EVI5: variants seen among roughly 807,000 people sequenced by gnomAD.
EVI5 encodes ecotropic viral integration site 5.
Under a neutral mutation model 112.0 loss-of-function variants are expected in EVI5, and 73 were observed. The ratio of observed to expected loss-of-function variants is 0.65; its 90% CI spans 0.54 to 0.79. The LOEUF (loss-of-function observed/expected upper bound fraction) is 0.79. Ranked by LOEUF, EVI5 falls within the 30% of genes least tolerant of loss-of-function variation. EVI5 has a pLI of 0.00. For synonymous variants in EVI5, 305 were observed against 319.9 expected, an observed-to-expected ratio of 0.95 and a Z score of 0.50; for missense variants, 900 against 968.8, an observed-to-expected ratio of 0.93 and a Z score of 0.94.
At chr1:92,767,524 G>A (rs1167698329) in intron 1 of EVI5, among the ~76,000 whole-genome samples, 1 of 152,030 alleles carries the variant, frequency 6.6e-6, no homozygotes, top group African/African-American at 2.4e-5. Flanking sequence ...ATTATGAGGT[G>A]GAAAAAATGT....
At chr1:92,587,214 T>C (rs1287803819) in intron 18 of EVI5, among the ~76,000 whole-genome samples, 1 of 152,146 alleles carries the variant, frequency 6.6e-6, no homozygotes, top group Non-Finnish European at 1.5e-5. Context: ...GGTAAAGCAG[T>C]CTATGTACGT....
At chr1:92,746,896 A>G (rs1289782877) in intron 1 of EVI5, among the ~76,000 whole-genome samples, 1 of 1,764 alleles carries the variant, frequency 5.7e-4, no homozygotes, top group African/African-American at 1.4e-3. Flanking sequence ...CTCTGGTTCA[A>G]AAAAAAAAAA....
chr1:92,650,838 C>A (rs900043567), intron 13 of EVI5, among the ~76,000 whole-genome samples: 3 of 152,070 alleles, frequency 2.0e-5, no homozygotes, highest in African/African-American at 7.2e-5. Context: ...TCCTTGAAAA[C>A]CACAAATTTA....
At chr1:92,613,278 AATTT>A (rs771766976) in intron 16 of EVI5, among the ~76,000 whole-genome samples, 77 of 152,050 alleles carry the variant, frequency 5.1e-4, no homozygotes, top group Non-Finnish European at 9.1e-4. Context: ...CCTAAGACTG[AATTT>A]ATTTATTTAT....
intron 19 of EVI5, among the ~76,000 whole-genome samples, chr1:92,553,297 A>ATTTTTTT (rs147973775): frequency 9.4e-5 from 7 of 74,214 alleles, no homozygotes; most frequent in Admixed American, 2.1e-4. Context: ...CACCTGGCCA[A>ATTTTTTT]TTTTTTTTTT....
chr1:92,719,976 A>G (rs1674457080), intron 2 of EVI5, among the ~76,000 whole-genome samples: 1 of 152,094 alleles, frequency 6.6e-6, no homozygotes, highest in African/African-American at 2.4e-5. Context: ...AAGGGATGTG[A>G]AGGACCTCTT....
chr1:92,609,506 C>T (rs1196685385), intron 16 of EVI5, among the ~76,000 whole-genome samples: 1 of 151,964 alleles, frequency 6.6e-6, no homozygotes, highest in Non-Finnish European at 1.5e-5. Context: ...TACAGGCACC[C>T]ACCACCATGC....
At chr1:92,755,608 C>A (rs1017512289) in intron 1 of EVI5, among the ~76,000 whole-genome samples, 1 of 152,080 alleles carries the variant, frequency 6.6e-6, no homozygotes, top group Non-Finnish European at 1.5e-5. Flanking sequence ...TAAGCAAGGA[C>A]CTACGTACTG....
intron 1 of EVI5, among the ~76,000 whole-genome samples, chr1:92,754,845 T>C (rs1680683345): frequency 6.6e-6 from 1 of 152,176 alleles, no homozygotes; most frequent in Non-Finnish European, 1.5e-5. Context: ...TATAAGGAAG[T>C]GGAGACCACT....
intron 1 of EVI5, 41 bp downstream of exon 1, chr1:92,784,795 C>T: frequency 2.0e-6 from 2 of 984,050 alleles, no homozygotes; most frequent in Non-Finnish European, 2.4e-6. Context: ...CACCGCCCGC[C>T]CGGCCTCCCG....
chr1:92,512,198 G>C lies in EVI5; in HGVS notation c.*1458C>G, dbSNP rs200904356. 15 of 152,552 alleles carry C rather than the reference G, an allele frequency of 9.8e-5. No individual in the cohort carries two copies. Among genetic ancestry groups the C allele is most frequent in the Non-Finnish European group, 1.9e-4 (13 of 67,988 alleles). 9.4% of individuals were successfully genotyped at this position (152,552 alleles called of 1,614,324 possible). A position where few individuals can be genotyped will look rare whatever the true frequency, so the allele number is the denominator to read the frequency against. On this transcript the variant is annotated 3_prime_UTR_variant, in exon 20 of 20. Transcript: ENST00000684568. ...AAACTGGTAGGAAAGGATTCTTATG[G>C]CTTTATCTATAGAACAAAAACTAGA...
At chr1:92,547,828 C>T (rs1043473898) in intron 19 of EVI5, among the ~76,000 whole-genome samples, 2 of 152,196 alleles carry the variant, frequency 1.3e-5, no homozygotes, top group African/African-American at 4.8e-5. Flanking sequence ...AGACCAATAA[C>T]AGGCTCTGAA....
At chr1:92,596,578 T>C (rs374380578) in intron 18 of EVI5, among the ~76,000 whole-genome samples, 105 of 152,188 alleles carry the variant, frequency 6.9e-4, no homozygotes, top group East Asian at 5.4e-3. Context: ...ATACAGCAAA[T>C]ACACAAAAAA....
chr1:92,702,969 T>C (rs780428897), intron 4 of EVI5, among the ~76,000 whole-genome samples: 8 of 152,056 alleles, frequency 5.3e-5, no homozygotes, highest in Non-Finnish European at 8.8e-5. Context: ...AATGGCAATA[T>C]TGAAGAAAAA....
intron 19 of EVI5, among the ~76,000 whole-genome samples, chr1:92,546,939 C>T (rs1367070324): frequency 2.0e-5 from 3 of 152,094 alleles, no homozygotes; most frequent in African/African-American, 4.8e-5. Flanking sequence ...GACAGATTAA[C>T]GAGACAGAAA....
chr1:92,614,277 C>T (rs1187031333), intron 16 of EVI5, among the ~76,000 whole-genome samples: 1 of 152,122 alleles, frequency 6.6e-6, no homozygotes, highest in Non-Finnish European at 1.5e-5. Context: ...AGATATCCAG[C>T]TTTCAACAAA....
chr1:92,700,884 T>C (rs1671042997), intron 5 of EVI5: 1 of 152,206 alleles, frequency 6.6e-6, no homozygotes, highest in South Asian at 2.1e-4. Context: ...TTAGCAATAA[T>C]TGCGCCTCGG....
At chr1:92,558,472 T>G (rs903459179) in intron 19 of EVI5, among the ~76,000 whole-genome samples, 1 of 152,200 alleles carries the variant, frequency 6.6e-6, no homozygotes, top group Non-Finnish European at 1.5e-5. Flanking sequence ...ATTCACTCAA[T>G]TACTCAAGCC....
At chr1:92,568,576 C>T (rs776794390) in intron 18 of EVI5, among the ~76,000 whole-genome samples, 1 of 152,032 alleles carries the variant, frequency 6.6e-6, no homozygotes, top group African/African-American at 2.4e-5. Context: ...AGAGTACTAC[C>T]AGGTACCATC....
Sources: gnomAD v4.1 joint callset for allele counts (sites outside exome capture counted in the v4.1 genomes callset) on GRCh38, gnomAD v4.1.1 for gene constraint, MANE v1.5 for transcripts, NCBI Gene and HGNC (gene_info 2026-07-23, HGNC 2026-07-21) for gene names.